The following CD38 variants were observed in gnomAD, a reference collection of about 807,000 sequenced individuals.
The protein encoded by CD38 is ADP-ribosyl cyclase/cyclic ADP-ribose hydrolase 1.
CD38 carries 31 observed loss-of-function variants against 36.3 expected under a neutral mutation model. The ratio of observed to expected loss-of-function variants is 0.85; its 90% CI spans 0.64 to 1.15. CD38 has a LOEUF of 1.15. CD38 is among the 50% of genes most tolerant of loss of function. The pLI is 0.00. For missense variants in CD38, 380 were observed against 371.9 expected, an observed-to-expected ratio of 1.02 and a Z score of -0.18; for synonymous variants, 131 against 135.2, an observed-to-expected ratio of 0.97 and a Z score of 0.22.
intron 2 of CD38, among the ~76,000 whole-genome samples, chr4:15,818,010 C>T (rs1723639564): frequency 6.6e-6 from 1 of 152,124 alleles, no homozygotes; most frequent in South Asian, 2.1e-4. Flanking sequence ...CAGAACTGTT[C>T]ACTCCCCTGG....
chr4:15,814,808 T>C (rs1723549165), intron 1 of CD38, among the ~76,000 whole-genome samples: 1 of 141,568 alleles, frequency 7.1e-6, no homozygotes, highest in Non-Finnish European at 1.5e-5. Flanking sequence ...GTTTTTTGTT[T>C]TTTGTTTTTT....
chr4:15,786,503 A>C (rs527308608), intron 1 of CD38, among the ~76,000 whole-genome samples: 29 of 151,206 alleles, frequency 1.9e-4, no homozygotes, highest in African/African-American at 6.6e-4. Context: ...CTAGACACAG[A>C]GCACTGATTG....
At chr4:15,833,146 C>A (rs1253114124) in intron 3 of CD38, among the ~76,000 whole-genome samples, 3 of 152,272 alleles carry the variant, frequency 2.0e-5, no homozygotes, top group Non-Finnish European at 2.9e-5. Context: ...TGGCCCAGGG[C>A]AGGCCCAGAA....
At chr4:15,836,074 G>A (rs1014688832) in intron 4 of CD38, among the ~76,000 whole-genome samples, 7 of 152,150 alleles carry the variant, frequency 4.6e-5, no homozygotes, top group African/African-American at 1.7e-4. Flanking sequence ...GAGGAACTGG[G>A]GCAGGTGGAA....
intron 3 of CD38, chr4:15,825,534 G>C (rs1393016641): frequency 6.5e-6 from 1 of 152,674 alleles, no homozygotes; most frequent in Non-Finnish European, 1.5e-5. Context: ...TTCAACATAA[G>C]GTTTGGAGAG....
intron 3 of CD38, among the ~76,000 whole-genome samples, chr4:15,830,895 G>GACTT (rs1043168641): frequency 2.0e-5 from 3 of 151,978 alleles, no homozygotes; most frequent in Non-Finnish European, 2.9e-5. Flanking sequence ...TTTAAGTAAG[G>GACTT]ACTTACTCCT....
chr4:15,848,407 G>A (rs1459371574), intron 7 of CD38, 132 bp from the exon 8 acceptor site: 1 of 580,054 alleles, frequency 1.7e-6, no homozygotes, highest in Non-Finnish European at 3.2e-6. Flanking sequence ...CACTGCAGGA[G>A]AGGAGTTTAT....
At chr4:15,817,478 A>C (rs1723626251) in intron 2 of CD38, among the ~76,000 whole-genome samples, 1 of 152,246 alleles carries the variant, frequency 6.6e-6, no homozygotes, top group Non-Finnish European at 1.5e-5. Context: ...GGTGTTTGGC[A>C]AATAATAACC....
intron 1 of CD38, among the ~76,000 whole-genome samples, chr4:15,795,218 C>CGTGTGT (rs143299140): frequency 1.8e-4 from 27 of 149,652 alleles, no homozygotes; most frequent in African/African-American, 5.6e-4. Context: ...GAATTAGTTT[C>CGTGTGT]GTGTGTGTGT....
Position 15,849,057 on chromosome 4 carries a change from C to A in CD38, c.*455C>A. On this transcript the variant is annotated 3_prime_UTR_variant, in exon 8 of 8. Coordinates refer to ENST00000226279, the MANE Select transcript of CD38 (RefSeq NM_001775.4). ...TTTTTGTACCCTTCCTACAGATAGT[C>A]AAACCATAAACTTCATGGTCATGGG... The A allele has an allele frequency of 6.5e-6, 1 of 154,790 alleles. No individual in the cohort carries two copies. Among genetic ancestry groups the A allele is most frequent in the Non-Finnish European group, 1.4e-5 (1 of 69,488 alleles). 9.6% of individuals were successfully genotyped at this position (154,790 alleles called of 1,614,324 possible).
rs150577981 is a variant in CD38, at chr4:15,813,060, C to A, written c.234-3451C>A. ...TTCTATATACAGTATTTCATGTCAT[C>A]CATGAAGGGGATAGGTTTACTTCTT... On this transcript the variant is annotated intron_variant, in intron 1 of 7. Coordinates refer to ENST00000226279, the MANE Select transcript of CD38 (RefSeq NM_001775.4). 2.6e-5 allele frequency among the ~76,000 whole-genome samples: 4 copies of A among 152,238 alleles called. No individual in the cohort carries two copies. The East Asian group carries it at 7.7e-4, about 29-fold the overall frequency.
At chr4:15,785,173 A>G (rs1722788150) in intron 1 of CD38, among the ~76,000 whole-genome samples, 1 of 152,108 alleles carries the variant, frequency 6.6e-6, no homozygotes, top group African/African-American at 2.4e-5. Context: ...AAGTGAGACT[A>G]TAGGTCTCAG....
intron 1 of CD38, among the ~76,000 whole-genome samples, chr4:15,813,972 G>C (rs1174707919): frequency 1.3e-5 from 2 of 152,188 alleles, no homozygotes; most frequent in Non-Finnish European, 2.9e-5. Context: ...CCAGTAATGG[G>C]ATTGCTGGGT....
intron 2 of CD38, among the ~76,000 whole-genome samples, chr4:15,818,459 A>G (rs938148649): frequency 2.6e-5 from 4 of 152,188 alleles, no homozygotes; most frequent in African/African-American, 9.6e-5. Flanking sequence ...ACAGCAGCTG[A>G]TCCTGACAAG....
intron 1 of CD38, among the ~76,000 whole-genome samples, chr4:15,799,263 A>G (rs1451936186): frequency 6.6e-6 from 1 of 152,140 alleles, no homozygotes; most frequent in African/African-American, 2.4e-5. Flanking sequence ...TTATCAAATA[A>G]TCCATCCTTT....
chr4:15,815,171 C>G (rs1415728226), intron 1 of CD38, among the ~76,000 whole-genome samples: 2 of 152,124 alleles, frequency 1.3e-5, no homozygotes, highest in Non-Finnish European at 2.9e-5. Context: ...TTACTGTAGC[C>G]TTGTAGTACA....
intron 1 of CD38, among the ~76,000 whole-genome samples, chr4:15,788,245 G>A (rs1275201906): frequency 6.6e-6 from 1 of 152,208 alleles, no homozygotes; most frequent in Admixed American, 6.5e-5. Context: ...TATTGGATGA[G>A]CCTGGTTCAG....
intron 2 of CD38, among the ~76,000 whole-genome samples, chr4:15,820,851 T>C (rs966697686): frequency 1.6e-4 from 24 of 152,248 alleles, no homozygotes; most frequent in African/African-American, 5.8e-4. Flanking sequence ...GATGGATATC[T>C]ACTGAAGTCT....
chr4:15,831,301 A>G (rs1332281967), intron 3 of CD38, among the ~76,000 whole-genome samples: 1 of 152,180 alleles, frequency 6.6e-6, no homozygotes. Context: ...ACTTAAGACA[A>G]GAGTAGTTTA....
Sources: allele counts gnomAD v4.1 joint callset (sites outside exome capture counted in the v4.1 genomes callset), GRCh38; gene constraint gnomAD v4.1.1; transcripts MANE v1.5; gene names NCBI Gene and HGNC (gene_info 2026-07-23, HGNC 2026-07-21).